The following IQCM variants were observed in gnomAD, a reference collection of about 807,000 sequenced individuals.
IQCM encodes the protein IQ domain-containing protein M.
IQCM carries 45 observed loss-of-function variants against 57.6 expected under a neutral mutation model. That is an observed-to-expected ratio of 0.78 (90% CI 0.62 to 1.00). IQCM has a LOEUF of 1.00. Among genes scored for constraint, IQCM ranks in the 50% least tolerant of loss-of-function variants. The pLI is 0.00. For missense variants in IQCM, 468 were observed against 511.6 expected (o/e 0.91, Z 0.82); for synonymous variants, 148 against 158.9 (o/e 0.93, Z 0.51).
intron 7 of IQCM, among the ~76,000 whole-genome samples, chr4:149,662,209 T>G (rs1221230002): frequency 1.3e-5 from 2 of 152,072 alleles, no homozygotes; most frequent in Non-Finnish European, 2.9e-5. Flanking sequence ...CACTGGTTAT[T>G]TAGGAGCGTG....
At chr4:149,755,988 G>C (rs553512390) in intron 2 of IQCM, among the ~76,000 whole-genome samples, 233 of 152,320 alleles carry the variant, frequency 1.5e-3, no homozygotes, top group South Asian at 0.012. Context: ...AGCAGAATAA[G>C]AAGGCTGGGT....
intron 8 of IQCM, among the ~76,000 whole-genome samples, chr4:149,602,035 C>CAAA (rs1236897737): frequency 2.0e-3 from 71 of 35,156 alleles, no homozygotes; most frequent in Admixed American, 3.0e-3. Context: ...GCCTGGGCGA[C>CAAA]AAAAAAAAAA....
intron 9 of IQCM, among the ~76,000 whole-genome samples, chr4:149,587,560 T>G (rs1691674488): frequency 6.6e-6 from 1 of 151,764 alleles, no homozygotes; most frequent in South Asian, 2.1e-4. Flanking sequence ...TGAATTGTGG[T>G]ACATAGTTTC....
chr4:149,813,053 G>A (rs927781308), intron 2 of IQCM, among the ~76,000 whole-genome samples: 4 of 152,064 alleles, frequency 2.6e-5, no homozygotes, highest in Admixed American at 1.3e-4. Context: ...ATTACATTTT[G>A]TCTTAATATT....
At chr4:149,387,629 A>T (rs1245745927) in intron 13 of IQCM, among the ~76,000 whole-genome samples, 1 of 151,954 alleles carries the variant, frequency 6.6e-6, no homozygotes, top group Non-Finnish European at 1.5e-5. Context: ...CATTATTTTT[A>T]ATTATTTTCC....
chr4:149,780,531 T>TTATATATACA (rs1554040400), intron 2 of IQCM, among the ~76,000 whole-genome samples: 2 of 138,170 alleles, frequency 1.4e-5, no homozygotes, highest in African/African-American at 5.0e-5. Flanking sequence ...AATATGTAAG[T>TTATATATACA]TATATATATA....
intron 12 of IQCM, among the ~76,000 whole-genome samples, chr4:149,505,566 G>T (rs912420392): frequency 6.6e-6 from 1 of 152,060 alleles, no homozygotes; most frequent in African/African-American, 2.4e-5. Flanking sequence ...GCATAAAGAA[G>T]CAAGTATAAA....
At chr4:149,411,120 T>C (rs541121524) in intron 13 of IQCM, among the ~76,000 whole-genome samples, 11 of 152,258 alleles carry the variant, frequency 7.2e-5, no homozygotes, top group African/African-American at 2.4e-4. Context: ...TATTACATCA[T>C]AGCACTTCTA....
At chr4:149,382,808 A>G (rs1731167855) in intron 13 of IQCM, among the ~76,000 whole-genome samples, 1 of 152,130 alleles carries the variant, frequency 6.6e-6, no homozygotes, top group African/African-American at 2.4e-5. Context: ...GTTCACATTA[A>G]ATTTCAGTGA....
intron 2 of IQCM, among the ~76,000 whole-genome samples, chr4:149,803,758 T>C (rs2150053625): frequency 6.6e-6 from 1 of 152,078 alleles, no homozygotes; most frequent in South Asian, 2.1e-4. Context: ...GCTAGTGTTT[T>C]TGTTTTTTCT....
chr4:149,793,909 A>C (rs1580316730), intron 2 of IQCM, among the ~76,000 whole-genome samples: 1 of 152,346 alleles, frequency 6.6e-6, no homozygotes, highest in East Asian at 1.9e-4. Flanking sequence ...CTACCTCCTA[A>C]ATCACACTAA....
At chr4:149,423,413 ACACTTGG>A (rs1180134133) in intron 13 of IQCM, among the ~76,000 whole-genome samples, 1 of 152,002 alleles carries the variant, frequency 6.6e-6, no homozygotes, top group Non-Finnish European at 1.5e-5. Context: ...TCCTCCCACG[ACACTTGG>A]GGGTTACAAT....
chr4:149,578,362 C>G (rs549491307), intron 9 of IQCM, among the ~76,000 whole-genome samples: 1 of 151,716 alleles, frequency 6.6e-6, no homozygotes, highest in Non-Finnish European at 1.5e-5. Context: ...CGGTAGGATA[C>G]TGAAAAATAT....
chr4:149,588,309 G>T (rs1389616841), intron 8 of IQCM, among the ~76,000 whole-genome samples: 3 of 151,668 alleles, frequency 2.0e-5, no homozygotes, highest in Non-Finnish European at 4.4e-5. Context: ...TTACAAAAGA[G>T]ATTTAAGATG....
intron 13 of IQCM, among the ~76,000 whole-genome samples, chr4:149,414,882 A>G (rs745625329): frequency 6.6e-6 from 1 of 152,222 alleles, no homozygotes; most frequent in Middle Eastern, 3.4e-3. Flanking sequence ...GAGAAAAAAT[A>G]TCAGGTATAT....
At chr4:149,471,657 A>G (rs938901281) in intron 12 of IQCM, among the ~76,000 whole-genome samples, 4 of 152,180 alleles carry the variant, frequency 2.6e-5, no homozygotes, top group African/African-American at 9.7e-5. Flanking sequence ...AGCCTGGCAG[A>G]GACACAACAA....
At chr4:149,555,663 A>G (rs1326844161) in intron 10 of IQCM, among the ~76,000 whole-genome samples, 1 of 152,176 alleles carries the variant, frequency 6.6e-6, no homozygotes, top group East Asian at 1.9e-4. Flanking sequence ...ATCCTATTCA[A>G]CATCTTTCTG....
At chr4:149,554,373 C>T (rs973645033) in intron 10 of IQCM, among the ~76,000 whole-genome samples, 1 of 151,716 alleles carries the variant, frequency 6.6e-6, no homozygotes, top group African/African-American at 2.4e-5. Flanking sequence ...GACGGAGTCT[C>T]GGTCTGTTAC....
chr4:149,392,894 G>A (rs1560798782), intron 13 of IQCM, among the ~76,000 whole-genome samples: 1 of 151,970 alleles, frequency 6.6e-6, no homozygotes, highest in African/African-American at 2.4e-5. Flanking sequence ...CAAATATTTG[G>A]GAGTTGTCGC....
Sources: gnomAD v4.1 joint callset for allele counts (sites outside exome capture counted in the v4.1 genomes callset) on GRCh38, gnomAD v4.1.1 for gene constraint, MANE v1.5 for transcripts, NCBI Gene and HGNC (gene_info 2026-07-23, HGNC 2026-07-21) for gene names.